MACF1: variants seen among roughly 807,000 people sequenced by gnomAD.
The protein encoded by MACF1 is microtubule actin crosslinking factor 1, also known as microtubule-actin cross-linking factor 1.
Under a neutral mutation model 854.8 loss-of-function variants are expected in MACF1, and 193 were observed. That is an observed-to-expected ratio of 0.23 (90% CI 0.20 to 0.25). The LOEUF is 0.25. Ranked by LOEUF, MACF1 falls within the 10% of genes least tolerant of loss-of-function variation. The pLI is 1.00. For missense variants in MACF1, 7,722 were observed against 8,929.1 expected (o/e 0.86, Z 5.45); for synonymous variants, 3,185 against 3,226.7 (o/e 0.99, Z 0.44).
intron 56 of MACF1, among the ~76,000 whole-genome samples, chr1:39,382,687 A>G (rs1194683409): frequency 6.7e-6 from 1 of 149,168 alleles, no homozygotes; most frequent in Non-Finnish European, 1.5e-5. Flanking sequence ...GTCTCAAAAA[A>G]AAAAAAAATT....
At chr1:39,454,862 G>T (rs774142813) in intron 88 of MACF1, 47 bp from the exon 89 acceptor site, 2 of 1,515,152 alleles carry the variant, frequency 1.3e-6, no homozygotes, top group Non-Finnish European at 1.8e-6. Flanking sequence ...GAAACAAAGG[G>T]GGTATGCTTG....
At chr1:39,248,559 T>C (rs1196507011) in intron 2 of MACF1, among the ~76,000 whole-genome samples, 1 of 147,724 alleles carries the variant, frequency 6.8e-6, no homozygotes, top group East Asian at 2.0e-4. Flanking sequence ...GGACTTCAGT[T>C]TTCCACTCAA....
Position 39,336,560 on chromosome 1 carries a change from A to G in MACF1, c.9972A>G (p.Arg3324=), listed in dbSNP as rs1269152336. ...KTEKTPQEKL[R]ESPGSEQTPF... ...AGAAGACACCACAGGAAAAGCTCAGAGAAAGCCCTGGCAGTGAACAAACTC... is the reference window on the plus strand; with the variant it reads ...AGAAGACACCACAGGAAAAGCTCAGGGAAAGCCCTGGCAGTGAACAAACTC... The change falls in exon 37 of 101, where the codon AGA becomes AGG. Residue 3324 remains arginine, a synonymous_variant. Coordinates refer to ENST00000564288, the MANE Select transcript of MACF1 (RefSeq NM_001394062.1). The G allele has an allele frequency of 1.2e-6, 2 of 1,614,096 alleles. No homozygotes were observed. Among genetic ancestry groups the G allele is most frequent in the African/African-American group, 1.3e-5 (1 of 74,946 alleles).
At chr1:39,300,668 C>T (rs1410829933) in intron 22 of MACF1, among the ~76,000 whole-genome samples, 1 of 152,116 alleles carries the variant, frequency 6.6e-6, no homozygotes, top group Admixed American at 6.6e-5. Flanking sequence ...TCTTATCCTC[C>T]ACAGCTAATA....
intron 2 of MACF1, among the ~76,000 whole-genome samples, chr1:39,096,551 T>C (rs887544811): frequency 2.7e-5 from 4 of 149,018 alleles, no homozygotes; most frequent in Non-Finnish European, 5.9e-5. Flanking sequence ...ACTGCGCCAC[T>C]GCACTCCAGC....
chr1:39,287,262 C>CT (rs1475909743), intron 14 of MACF1, 24 bp from the exon 15 acceptor site: 1 of 1,606,640 alleles, frequency 6.2e-7, no homozygotes, highest in South Asian at 1.1e-5. Context: ...AAATCCTTTC[C>CT]TTTTTTCTCT....
chr1:39,453,394 T>C (rs921772821), intron 87 of MACF1, among the ~76,000 whole-genome samples: 4 of 152,132 alleles, frequency 2.6e-5, no homozygotes, highest in African/African-American at 9.7e-5. Flanking sequence ...TGAAATAGGA[T>C]ATAAATGAGA....
chr1:39,357,606 C>A lies in MACF1; in HGVS notation c.11656C>A (p.His3886Asn), dbSNP rs760458101. ...QDELQKFLQD[H>N]KEFESWLERS... ...TGAGTTGCAGAAATTTCTGCAGGAT[C>A]ATAAAGAGTTTGAAAGCTGGTTGGA... is the stretch of plus-strand genomic sequence containing the variant. The change falls in exon 45 of 101, where the codon CAT (histidine) becomes AAT (asparagine). Residue 3886 changes from histidine to asparagine, a missense_variant. This residue lies in a region of MACF1 where 2,807 missense variants were observed against 3,235.8 expected (regional missense o/e 0.87). Transcript: ENST00000564288. The A allele has an allele frequency of 1.9e-6, 3 of 1,613,952 alleles. No homozygotes were observed. Among genetic ancestry groups the A allele is most frequent in the Non-Finnish European group, 2.5e-6 (3 of 1,180,038 alleles).
At chr1:39,468,556 G>GA (rs1644715316) in intron 95 of MACF1, 59 bp from the exon 96 acceptor site, 4 of 1,392,980 alleles carry the variant, frequency 2.9e-6, no homozygotes, top group Admixed American at 3.4e-5. Flanking sequence ...TGCTTTGGGA[G>GA]AAAAACATAG....
chr1:39,220,797 A>G (rs575056151), intron 1 of MACF1, among the ~76,000 whole-genome samples: 30 of 152,232 alleles, frequency 2.0e-4, no homozygotes, highest in African/African-American at 7.0e-4. Flanking sequence ...CCTTTAATGA[A>G]GTTTAAAGCA....
At chr1:39,208,623 TTTTA>T (rs2148272725) in intron 1 of MACF1, among the ~76,000 whole-genome samples, 1 of 152,032 alleles carries the variant, frequency 6.6e-6, no homozygotes, top group African/African-American at 2.4e-5. Context: ...CTGACTAATT[TTTTA>T]TTTATTTATT....
chr1:39,095,846 C>G (rs1490178008), intron 2 of MACF1, among the ~76,000 whole-genome samples: 1 of 151,064 alleles, frequency 6.6e-6, no homozygotes, highest in Non-Finnish European at 1.5e-5. Context: ...TACACTCCAG[C>G]GTAGGCAACA....
chr1:39,451,904 C>T (rs1644348395), intron 85 of MACF1, among the ~76,000 whole-genome samples: 1 of 151,910 alleles, frequency 6.6e-6, no homozygotes, highest in Non-Finnish European at 1.5e-5. Context: ...GATTGGGTCT[C>T]GCCATGTTGC....
At chr1:39,393,053 A>G (rs1642095895) in intron 58 of MACF1, among the ~76,000 whole-genome samples, 2 of 152,052 alleles carry the variant, frequency 1.3e-5, no homozygotes, top group South Asian at 4.2e-4. Flanking sequence ...TTTCCTGAAC[A>G]AGGGAGTCTG....
At chr1:39,393,166 C>T (rs1183596783) in intron 58 of MACF1, among the ~76,000 whole-genome samples, 1 of 127,010 alleles carries the variant, frequency 7.9e-6, no homozygotes, top group Non-Finnish European at 1.6e-5. Context: ...CCTAGAGTGA[C>T]CTTCCTGGGA....
chr1:39,184,487 G>T (rs1466619365), intron 2 of MACF1, among the ~76,000 whole-genome samples: 1 of 152,124 alleles, frequency 6.6e-6, no homozygotes, highest in Non-Finnish European at 1.5e-5. Flanking sequence ...TTTGGCAAGA[G>T]CTAGATCTTT....
rs1646012233 is a variant in MACF1 at position 39,300,273 on chromosome 1, A to G, written c.2545A>G (p.Thr849Ala). 6.2e-7 allele frequency: 1 copy of G among 1,613,876 alleles called. No individual in the cohort carries two copies. The highest frequency in any genetic ancestry group is 1.7e-5 in the Admixed American group (1 of 59,990). ...SVASLVGRSKTIVQLKPRSPD... is the reference protein window; with the variant it reads ...SVASLVGRSKAIVQLKPRSPD... ...TGCCAGTCTCGTTGGGAGATCAAAA[A>G]CCATCGTTCAGCTAAAACCACGCAG... Residue 849 changes from threonine to alanine, a missense_variant, in exon 22 of 101, where the codon ACC becomes GCC. Coordinates refer to ENST00000564288, the MANE Select transcript of MACF1 (RefSeq NM_001394062.1).
intron 2 of MACF1, among the ~76,000 whole-genome samples, chr1:39,089,242 C>T (rs1237996634): frequency 6.6e-6 from 1 of 151,966 alleles, no homozygotes; most frequent in Non-Finnish European, 1.5e-5. Flanking sequence ...AATTATATCC[C>T]CGTATGTGTT....
intron 100 of MACF1, 141 bp downstream of exon 100, chr1:39,484,871 T>G: frequency 1.1e-6 from 1 of 903,346 alleles, no homozygotes; most frequent in African/African-American, 1.7e-5. Context: ...CTGCAGATGC[T>G]CAAGTGACCT....
Sources: allele counts gnomAD v4.1 joint callset (sites outside exome capture counted in the v4.1 genomes callset), GRCh38; gene constraint gnomAD v4.1.1; regional missense constraint gnomAD v4.1.1; transcripts MANE v1.5; gene names NCBI Gene and HGNC (gene_info 2026-07-23, HGNC 2026-07-21).